Variants in ADCY2 observed in about 807,000 individuals in gnomAD.
The protein encoded by ADCY2 is adenylate cyclase type 2.
Under a neutral mutation model 125.2 loss-of-function variants are expected in ADCY2, and 31 were observed. That is an observed-to-expected ratio of 0.25 (90% CI 0.19 to 0.33). ADCY2 has a LOEUF of 0.33. Ranked by LOEUF, ADCY2 falls within the 10% of genes least tolerant of loss-of-function variation. The pLI is 1.00. For missense variants in ADCY2, 904 were observed against 1,418.2 expected (o/e 0.64, Z 5.82); for synonymous variants, 512 against 548.4 (o/e 0.93, Z 0.93).
intron 18 of ADCY2, among the ~76,000 whole-genome samples, chr5:7,781,336 A>ATTT (rs565591852): frequency 2.0e-4 from 31 of 152,332 alleles, no homozygotes; most frequent in Non-Finnish European, 4.0e-4. Context: ...GTGTCTCAGA[A>ATTT]TGTGACCTTA....
intron 4 of ADCY2, among the ~76,000 whole-genome samples, chr5:7,674,660 G>A (rs984526407): frequency 6.6e-6 from 1 of 152,148 alleles, no homozygotes; most frequent in Non-Finnish European, 1.5e-5. Context: ...GTATTCAGAA[G>A]AATTCTCTGA....
At chr5:7,661,155 C>T (rs1438075442) in intron 4 of ADCY2, among the ~76,000 whole-genome samples, 3 of 152,062 alleles carry the variant, frequency 2.0e-5, no homozygotes, top group East Asian at 1.9e-4. Flanking sequence ...TTTGATTGTG[C>T]ACACCTATGG....
intron 18 of ADCY2, among the ~76,000 whole-genome samples, chr5:7,779,856 C>T (rs1485376586): frequency 6.6e-6 from 1 of 152,222 alleles, no homozygotes; most frequent in Non-Finnish European, 1.5e-5. Context: ...GGAAGATGAG[C>T]CATTTCCAAG....
intron 7 of ADCY2, among the ~76,000 whole-genome samples, chr5:7,705,203 T>C (rs1428247423): frequency 6.6e-6 from 1 of 152,244 alleles, no homozygotes; most frequent in African/African-American, 2.4e-5. Flanking sequence ...ACAGTACATT[T>C]TTCAAAAATG....
intron 3 of ADCY2, among the ~76,000 whole-genome samples, chr5:7,586,916 T>G (rs915951681): frequency 6.6e-6 from 1 of 152,230 alleles, no homozygotes; most frequent in Non-Finnish European, 1.5e-5. Context: ...GTAGATGCAG[T>G]ATCATCTAAT....
intron 2 of ADCY2, among the ~76,000 whole-genome samples, chr5:7,505,035 G>A (rs896217003): frequency 2.0e-5 from 3 of 151,388 alleles, no homozygotes; most frequent in Non-Finnish European, 4.4e-5. Flanking sequence ...ACACCACCAT[G>A]CCTTTCTGTG....
chr5:7,607,624 A>C (rs1344489739), intron 3 of ADCY2, among the ~76,000 whole-genome samples: 1 of 152,248 alleles, frequency 6.6e-6, no homozygotes, highest in Non-Finnish European at 1.5e-5. Flanking sequence ...ACGTATTTGC[A>C]TGACACTTAC....
intron 2 of ADCY2, among the ~76,000 whole-genome samples, chr5:7,488,573 C>A (rs976674211): frequency 4.6e-5 from 7 of 152,062 alleles, no homozygotes; most frequent in Non-Finnish European, 8.8e-5. Context: ...AATTTTTAAC[C>A]CTCCTGTATC....
At chr5:7,754,726 C>CAAA (rs1159114554) in intron 15 of ADCY2, among the ~76,000 whole-genome samples, 237 of 4,566 alleles carry the variant, frequency 0.052, 2 homozygotes, top group African/African-American at 0.095. Flanking sequence ...ACAAAACAAA[C>CAAA]AAACAAAAAA....
chr5:7,501,093 C>T (rs1416951531), intron 2 of ADCY2, among the ~76,000 whole-genome samples: 3 of 145,160 alleles, frequency 2.1e-5, no homozygotes, highest in Admixed American at 6.9e-5. Flanking sequence ...TTTTTTTGTT[C>T]GCAAGTAACA....
At chr5:7,520,952 G>A (rs1032351345) in intron 3 of ADCY2, 53 bp downstream of exon 3, 6 of 1,602,394 alleles carry the variant, frequency 3.7e-6, no homozygotes, top group Admixed American at 1.7e-5. Context: ...CCACCAGGGG[G>A]TGAGGCAGGT....
intron 2 of ADCY2, among the ~76,000 whole-genome samples, chr5:7,450,049 G>A (rs1741416653): frequency 6.6e-6 from 1 of 152,048 alleles, no homozygotes; most frequent in South Asian, 2.1e-4. Flanking sequence ...CTTATTCCCA[G>A]AGACATGACA....
intron 2 of ADCY2, among the ~76,000 whole-genome samples, chr5:7,508,210 C>T (rs1262037544): frequency 2.6e-5 from 4 of 152,128 alleles, no homozygotes; most frequent in Non-Finnish European, 4.4e-5. Context: ...CAGTCACGAG[C>T]ATAATTACCA....
chr5:7,746,687 G>A (rs1249014631), intron 15 of ADCY2, among the ~76,000 whole-genome samples: 3 of 152,140 alleles, frequency 2.0e-5, no homozygotes, highest in Non-Finnish European at 4.4e-5. Flanking sequence ...CTCAATACCC[G>A]AAACTTGCCT....
At chr5:7,457,241 T>C (rs1561036241) in intron 2 of ADCY2, among the ~76,000 whole-genome samples, 1 of 152,212 alleles carries the variant, frequency 6.6e-6, no homozygotes, top group Admixed American at 6.5e-5. Flanking sequence ...GCCATATCAG[T>C]TAGCTTTAGT....
At chr5:7,645,705 C>T (rs1250702681) in intron 4 of ADCY2, among the ~76,000 whole-genome samples, 1 of 152,138 alleles carries the variant, frequency 6.6e-6, no homozygotes, top group Non-Finnish European at 1.5e-5. Context: ...ATAAGATGCT[C>T]CCCTTATGAG....
chr5:7,812,182 G>T (rs1744965386), intron 22 of ADCY2, among the ~76,000 whole-genome samples: 1 of 152,132 alleles, frequency 6.6e-6, no homozygotes, highest in African/African-American at 2.4e-5. Flanking sequence ...TCACTGGTAA[G>T]AATCGAGAAT....
At chr5:7,441,124 G>A (rs1262261096) in intron 2 of ADCY2, among the ~76,000 whole-genome samples, 7 of 151,122 alleles carry the variant, frequency 4.6e-5, no homozygotes, top group African/African-American at 1.7e-4. Flanking sequence ...TTGAATGCCT[G>A]AAAAAAAAAT....
chr5:7,652,496 A>G (rs1226706606), intron 4 of ADCY2, among the ~76,000 whole-genome samples: 2 of 152,224 alleles, frequency 1.3e-5, no homozygotes, highest in Admixed American at 1.3e-4. Flanking sequence ...TATCCCTTTC[A>G]TCTACTCTTT....
Sources: allele counts gnomAD v4.1 joint callset (sites outside exome capture counted in the v4.1 genomes callset), GRCh38; gene constraint gnomAD v4.1.1; transcripts MANE v1.5; gene names NCBI Gene and HGNC (gene_info 2026-07-23, HGNC 2026-07-21).